The following MGAT5 variants were observed in gnomAD, a reference collection of about 807,000 sequenced individuals.
MGAT5 encodes the protein alpha-1,6-mannosylglycoprotein 6-beta-N-acetylglucosaminyltransferase.
MGAT5 carries 30 observed loss-of-function variants against 94.3 expected under a neutral mutation model. The ratio of observed to expected loss-of-function variants is 0.32; its 90% CI spans 0.24 to 0.43. The LOEUF is 0.43. Ranked by LOEUF, MGAT5 falls within the 20% of genes least tolerant of loss-of-function variation. MGAT5 has a pLI of 1.00. For missense variants in MGAT5, 691 were observed against 905.5 expected (o/e 0.76, Z 3.04); for synonymous variants, 310 against 322.9 (o/e 0.96, Z 0.43).
At chr2:134,209,152 A>ATTTTTTTTTTT (rs869116395) in intron 1 of MGAT5, among the ~76,000 whole-genome samples, 27 of 20,760 alleles carry the variant, frequency 1.3e-3, no homozygotes, top group Middle Eastern at 0.045. Context: ...TTTTTTTTTT[A>ATTTTTTTTTTT]TTTTTTTTTT....
intron 1 of MGAT5, among the ~76,000 whole-genome samples, chr2:134,222,090 A>C (rs969532568): frequency 6.6e-6 from 1 of 151,966 alleles, no homozygotes; most frequent in Non-Finnish European, 1.5e-5. Context: ...CTCTGACCTG[A>C]GGTAGTAGCC....
At position 134,448,710 on chromosome 2, in the gene MGAT5, C is replaced by A; in HGVS notation, c.2089C>A (p.Pro697Thr). Residue 697 changes from proline (P) to threonine (T), a missense_variant, in exon 16 of 16, where the codon CCT becomes ACT. This residue lies in a region of MGAT5 where 260 missense variants were observed against 347.0 expected (regional missense o/e 0.75). Coordinates refer to ENST00000281923, the MANE Select transcript of MGAT5 (RefSeq NM_002410.5). Reference protein sequence around the residue: ...AKDILVPSFDPKNKHCVFQGD... With the variant: ...AKDILVPSFDTKNKHCVFQGD... ...GGACATCCTGGTGCCCTCCTTTGAC[C>A]CTAAGAATAAGCACTGTGTGTTTCA... The A allele has an allele frequency of 6.2e-7, 1 of 1,614,206 alleles. No individual in the cohort carries two copies. The highest frequency in any genetic ancestry group is 8.5e-7 in the Non-Finnish European group (1 of 1,180,038).
chr2:134,428,265 C>T, intron 13 of MGAT5, 100 bp from the exon 14 acceptor site: 1 of 1,084,520 alleles, frequency 9.2e-7, no homozygotes, highest in South Asian at 1.4e-5. Context: ...GAGGCCGACT[C>T]CTGGTGTTAG....
At chr2:134,379,095 T>G (rs773903423) in intron 10 of MGAT5, among the ~76,000 whole-genome samples, 1 of 152,212 alleles carries the variant, frequency 6.6e-6, no homozygotes, top group Non-Finnish European at 1.5e-5. Context: ...CTTCTGGCTT[T>G]TTCTCCCACT....
chr2:134,264,019 T>A (rs897761362), intron 1 of MGAT5, among the ~76,000 whole-genome samples: 1 of 133,210 alleles, frequency 7.5e-6, no homozygotes, highest in South Asian at 2.6e-4. Flanking sequence ...GCCATTAGGT[T>A]TTTTTTTTTT....
At chr2:134,444,940 G>A (rs1685689789) in intron 15 of MGAT5, among the ~76,000 whole-genome samples, 1 of 152,156 alleles carries the variant, frequency 6.6e-6, no homozygotes, top group Non-Finnish European at 1.5e-5. Context: ...CTGGGGTGGA[G>A]ACTGGAAGAT....
At chr2:134,331,917 G>A (rs934270304) in intron 4 of MGAT5, among the ~76,000 whole-genome samples, 16 of 151,724 alleles carry the variant, frequency 1.1e-4, no homozygotes, top group Non-Finnish European at 1.6e-4. Flanking sequence ...AATAAGAGAG[G>A]ATACAAACAA....
intron 1 of MGAT5, among the ~76,000 whole-genome samples, chr2:134,263,895 T>C (rs1683491454): frequency 6.6e-6 from 1 of 151,160 alleles, no homozygotes; most frequent in South Asian, 2.1e-4. Flanking sequence ...CCAGATAAAA[T>C]TGATTTCCCT....
intron 11 of MGAT5, among the ~76,000 whole-genome samples, chr2:134,410,698 A>G (rs1683599111): frequency 6.6e-6 from 1 of 152,204 alleles, no homozygotes. Context: ...ATTTTTCCCA[A>G]GATTTTCTAT....
chr2:134,182,046 T>C (rs560501543), intron 1 of MGAT5, among the ~76,000 whole-genome samples: 155 of 152,340 alleles, frequency 1.0e-3, no homozygotes, highest in Middle Eastern at 3.4e-3. Flanking sequence ...AGAAGTGAAC[T>C]GTGAGTATAA....
intron 1 of MGAT5, among the ~76,000 whole-genome samples, chr2:134,171,175 A>C (rs890733132): frequency 6.6e-6 from 1 of 152,140 alleles, no homozygotes; most frequent in African/African-American, 2.4e-5. Flanking sequence ...TATATTTCCA[A>C]AATGGCTTTT....
intron 10 of MGAT5, among the ~76,000 whole-genome samples, chr2:134,368,395 G>A (rs946821624): frequency 6.6e-6 from 1 of 152,192 alleles, no homozygotes; most frequent in Non-Finnish European, 1.5e-5. Context: ...GGCCTGATGT[G>A]GTCCAGCCCT....
chr2:134,271,585 T>G (rs1261547596), intron 2 of MGAT5, among the ~76,000 whole-genome samples: 2 of 152,224 alleles, frequency 1.3e-5, no homozygotes, highest in Non-Finnish European at 2.9e-5. Context: ...CTTTCCCACC[T>G]CCCAGCGTCA....
chr2:134,360,036 C>T (rs1016190371), intron 9 of MGAT5, among the ~76,000 whole-genome samples: 6 of 152,156 alleles, frequency 3.9e-5, no homozygotes, highest in Non-Finnish European at 4.4e-5. Flanking sequence ...AGTGCTCAGG[C>T]CTTGGCTCAT....
At chr2:134,331,473 C>T (rs561730590) in intron 4 of MGAT5, among the ~76,000 whole-genome samples, 2 of 152,172 alleles carry the variant, frequency 1.3e-5, no homozygotes, top group South Asian at 2.1e-4. Flanking sequence ...TGCGTGTTGC[C>T]GTGAGCTCAG....
intron 4 of MGAT5, among the ~76,000 whole-genome samples, chr2:134,323,519 T>A (rs1687452298): frequency 6.6e-6 from 1 of 152,060 alleles, no homozygotes; most frequent in Admixed American, 6.6e-5. Flanking sequence ...GAGAGCCAAG[T>A]CATAGATAGC....
At chr2:134,194,457 A>T (rs1198993230) in intron 1 of MGAT5, among the ~76,000 whole-genome samples, 1 of 152,158 alleles carries the variant, frequency 6.6e-6, no homozygotes, top group Non-Finnish European at 1.5e-5. Context: ...TTGGACAGTT[A>T]CAAGGGGGCG....
intron 4 of MGAT5, among the ~76,000 whole-genome samples, chr2:134,322,596 ATGTGAGAT>A (rs1197582657): frequency 1.3e-5 from 2 of 152,168 alleles, no homozygotes; most frequent in Non-Finnish European, 2.9e-5. Context: ...ACCATTGTTA[ATGTGAGAT>A]TAGTAGAGAT....
chr2:134,372,313 G>A (rs557194391), intron 10 of MGAT5, among the ~76,000 whole-genome samples: 1 of 152,318 alleles, frequency 6.6e-6, no homozygotes, highest in East Asian at 1.9e-4. Flanking sequence ...CGGCTTCCAA[G>A]GACTTGCCCC....
Sources: allele counts gnomAD v4.1 joint callset (sites outside exome capture counted in the v4.1 genomes callset), GRCh38; gene constraint gnomAD v4.1.1; regional missense constraint gnomAD v4.1.1; transcripts MANE v1.5; gene names NCBI Gene and HGNC (gene_info 2026-07-23, HGNC 2026-07-21).